TRMT44: variants seen among roughly 807,000 people sequenced by gnomAD.
TRMT44 encodes tRNA methyltransferase 44 homolog, also known as probable tRNA (uracil-O(2)-)-methyltransferase.
TRMT44 carries 78 observed loss-of-function variants against 77.3 expected under a neutral mutation model. That is an observed-to-expected ratio of 1.01 (90% CI 0.84 to 1.22). TRMT44 has a LOEUF of 1.22. Ranked by LOEUF, TRMT44 falls within the 50% of genes most tolerant of loss-of-function variation. The pLI, the probability that TRMT44 is intolerant of heterozygous loss-of-function variation, is 0.00. For synonymous variants in TRMT44, 391 were observed against 383.3 expected (o/e 1.02, Z -0.23); for missense variants, 1,090 against 964.4 (o/e 1.13, Z -1.73).
intron 6 of TRMT44, among the ~76,000 whole-genome samples, chr4:8,457,005 A>G (rs1057045758): frequency 9.3e-6 from 1 of 107,424 alleles, no homozygotes; most frequent in Admixed American, 9.2e-5. Flanking sequence ...TGGGCAATAT[A>G]GCAAGACACC....
chr4:8,471,123 C>T lies in TRMT44; in HGVS notation c.1967C>T (p.Thr656Met), dbSNP rs146322919. Reference protein sequence around the residue: ...SLAEVANELDTETLRRLKREC... With the variant: ...SLAEVANELDMETLRRLKREC... ...GCAGAAGTAGCCAACGAGCTGGACA[C>T]GGAGACCCTGCGGAGGCTGAAGCGG... The change falls in exon 10 of 11, where the codon ACG (threonine) becomes ATG (methionine). Residue 656 changes from threonine (T) to methionine (M), a missense_variant. Transcript: ENST00000389737. The T allele has an allele frequency of 5.4e-4, 871 of 1,608,314 alleles. No individual in the cohort carries two copies. The highest frequency in any genetic ancestry group is 7.1e-4 in the Non-Finnish European group (830 of 1,177,152).
intron 5 of TRMT44, chr4:8,454,370 G>A (rs898992520): frequency 3.2e-5 from 7 of 218,744 alleles, no homozygotes; most frequent in Admixed American, 2.5e-4. Context: ...TGTCATCCAT[G>A]AATGCTAATG....
chr4:8,468,767 A>G (rs558903359), intron 9 of TRMT44, among the ~76,000 whole-genome samples: 19 of 152,392 alleles, frequency 1.2e-4, no homozygotes, highest in African/African-American at 4.3e-4. Flanking sequence ...AAACACAACA[A>G]TCATCCATGG....
the TRMT44 span, chr4:8,506,952 T>G: frequency 6.5e-6 from 1 of 152,690 alleles, no homozygotes; most frequent in Non-Finnish European, 1.5e-5. Context: ...TGGGTGGAAT[T>G]GTGGAATTGT....
downstream of TRMT44, among the ~76,000 whole-genome samples, chr4:8,496,440 T>C (rs901546682): frequency 2.0e-5 from 3 of 152,216 alleles, no homozygotes; most frequent in African/African-American, 7.2e-5. Context: ...CTGGCCAGGC[T>C]GCAGCTGAAA....
chr4:8,440,961 TG>T lies in TRMT44; in HGVS notation c.141del (p.Trp47Ter). 4 of 1,529,094 alleles carry T rather than the reference TG, an allele frequency of 2.6e-6. No homozygotes were observed. Among genetic ancestry groups the T allele is most frequent in the Non-Finnish European group, 3.5e-6 (4 of 1,144,960 alleles). The allele number at this position is 1,529,094 out of a possible 1,614,324, so 94.7% of individuals were successfully genotyped here. A position where few individuals can be genotyped will look rare whatever the true frequency, so the allele number is the denominator to read the frequency against. ...RLCGARLEAR[W>X]SAALPCAEAR... The stretch of plus-strand genomic sequence containing the variant: ...TTGCGGCGCCCGCCTGGAGGCCCGC[TG>T]GAGCGCCGCCCTGCCCTGCGCGGAG... On this transcript the variant is annotated frameshift_variant, in exon 1 of 11. Coordinates refer to ENST00000389737, the MANE Select transcript of TRMT44 (RefSeq NM_152544.3). LOFTEE classifies it high-confidence loss of function.
chr4:8,492,181 C>T (rs1728028066), intron 2 of TRMT44, among the ~76,000 whole-genome samples: 2 of 152,120 alleles, frequency 1.3e-5, no homozygotes, highest in Non-Finnish European at 2.9e-5. Context: ...ATCAAGCTTC[C>T]AAAACTCTTC....
downstream of TRMT44, among the ~76,000 whole-genome samples, chr4:8,481,240 C>T (rs1415312229): frequency 1.3e-5 from 2 of 152,170 alleles, no homozygotes; most frequent in Non-Finnish European, 2.9e-5. Context: ...TGGAAGCTTC[C>T]CTCCCCTGCT....
chr4:8,480,108 G>A (rs1727566972), downstream of TRMT44, among the ~76,000 whole-genome samples: 1 of 152,122 alleles, frequency 6.6e-6, no homozygotes, highest in Non-Finnish European at 1.5e-5. Context: ...TATTTGAGTT[G>A]TCAGTGGTGA....
downstream of TRMT44, chr4:8,478,769 C>T (rs574630500): frequency 6.6e-6 from 1 of 152,386 alleles, no homozygotes; most frequent in Admixed American, 6.5e-5. Flanking sequence ...TGCGTCTACA[C>T]TGCTTTTCAG....
At chr4:8,476,682 T>C (rs1332662797), downstream of TRMT44, 1 of 152,306 alleles carries the variant, frequency 6.6e-6, no homozygotes, top group Non-Finnish European at 1.5e-5. Context: ...TGAGACCCTC[T>C]CCCCAGAAAT....
intron 2 of TRMT44, among the ~76,000 whole-genome samples, chr4:8,449,151 C>T (rs1725262773): frequency 6.6e-6 from 1 of 152,190 alleles, no homozygotes; most frequent in Admixed American, 6.5e-5. Flanking sequence ...GAGCAGTGAG[C>T]AAGACAGACA....
At chr4:8,487,356 G>A (rs1296695247) in intron 2 of TRMT44, among the ~76,000 whole-genome samples, 1 of 151,942 alleles carries the variant, frequency 6.6e-6, no homozygotes, top group Non-Finnish European at 1.5e-5. Context: ...AAAAGAGAGA[G>A]TAGAGACAAG....
At chr4:8,458,226 C>A (rs1725931984) in intron 6 of TRMT44, among the ~76,000 whole-genome samples, 1 of 152,180 alleles carries the variant, frequency 6.6e-6, no homozygotes, top group African/African-American at 2.4e-5. Context: ...AAAAGTAAAG[C>A]AGACAGAAAT....
chr4:8,505,663 CAG>C, the TRMT44 span, among the ~76,000 whole-genome samples: 1 of 152,236 alleles, frequency 6.6e-6, no homozygotes, highest in African/African-American at 2.4e-5. Flanking sequence ...GATGAGGAAG[CAG>C]AGACAGAGAG....
At chr4:8,470,868 C>A (rs1028139148) in intron 9 of TRMT44, 26 of 484,230 alleles carry the variant, frequency 5.4e-5, no homozygotes, top group Non-Finnish European at 9.7e-5. Context: ...GGGGCTGCGT[C>A]TTGTCAGGCT....
At chr4:8,513,484 A>G in the TRMT44 span, among the ~76,000 whole-genome samples, 1 of 152,212 alleles carries the variant, frequency 6.6e-6, no homozygotes, top group African/African-American at 2.4e-5. Flanking sequence ...ACACAGCCAA[A>G]CCATATCAAC....
chr4:8,477,916 C>T (rs762964681), downstream of TRMT44: 60 of 152,968 alleles, frequency 3.9e-4, no homozygotes, highest in Non-Finnish European at 6.4e-4. Flanking sequence ...GCCCTGCCGC[C>T]GCCTCCTGGA....
intron 6 of TRMT44, among the ~76,000 whole-genome samples, chr4:8,460,492 T>A (rs913515318): frequency 2.0e-5 from 3 of 152,196 alleles, no homozygotes; most frequent in African/African-American, 7.2e-5. Context: ...GCATATCATT[T>A]CATAGAAATA....
Sources: allele counts gnomAD v4.1 joint callset (sites outside exome capture counted in the v4.1 genomes callset), GRCh38; gene constraint gnomAD v4.1.1; transcripts MANE v1.5; gene names NCBI Gene and HGNC (gene_info 2026-07-23, HGNC 2026-07-21).